The following DLG1 variants were observed in gnomAD, a reference collection of about 807,000 sequenced individuals.
DLG1 encodes the protein disks large homolog 1.
In DLG1, 42 loss-of-function variants were observed where a neutral mutation model predicts 123.4. The ratio of observed to expected loss-of-function variants is 0.34; its 90% CI spans 0.27 to 0.44. DLG1 has a LOEUF of 0.44. DLG1 is among the 20% of genes least tolerant of loss of function. DLG1 has a pLI of 1.00. For missense variants in DLG1, 942 were observed against 1,082.6 expected, an observed-to-expected ratio of 0.87 and a Z score of 1.82; for synonymous variants, 317 against 356.2, an observed-to-expected ratio of 0.89 and a Z score of 1.24.
At chr3:197,217,245 G>A (rs2150462771) in intron 4 of DLG1, among the ~76,000 whole-genome samples, 1 of 152,242 alleles carries the variant, frequency 6.6e-6, no homozygotes, top group Non-Finnish European at 1.5e-5. Flanking sequence ...AGTACACAAA[G>A]GTGGATGAAA....
At chr3:197,121,264 A>C (rs1034348341) in intron 11 of DLG1, among the ~76,000 whole-genome samples, 5 of 152,204 alleles carry the variant, frequency 3.3e-5, no homozygotes, top group African/African-American at 1.2e-4. Context: ...GCCTCAAAGA[A>C]GGATCAGATA....
chr3:197,280,496 G>A (rs1190388263), intron 4 of DLG1, among the ~76,000 whole-genome samples: 2 of 152,010 alleles, frequency 1.3e-5, no homozygotes, highest in African/African-American at 2.4e-5. Context: ...CCTTTCTCTT[G>A]GACAGATACC....
intron 18 of DLG1, 113 bp downstream of exon 18, chr3:197,076,473 C>A: frequency 2.8e-6 from 2 of 710,692 alleles, no homozygotes; most frequent in Non-Finnish European, 4.6e-6. Flanking sequence ...CCCTTGAAGA[C>A]AATTAGCAAC....
chr3:197,122,896 G>C (rs1335580273), intron 11 of DLG1, among the ~76,000 whole-genome samples: 1 of 151,830 alleles, frequency 6.6e-6, no homozygotes, highest in Non-Finnish European at 1.5e-5. Flanking sequence ...ACATAATCTT[G>C]AACAGTAACA....
chr3:197,115,061 C>T (rs1331186489), intron 13 of DLG1, among the ~76,000 whole-genome samples: 2 of 138,234 alleles, frequency 1.4e-5, no homozygotes, highest in African/African-American at 5.5e-5. Flanking sequence ...AATAACTGTA[C>T]AATCCAAATG....
At position 197,121,823 on chromosome 3, in the gene DLG1, C is replaced by CAAAA. The variant is rs71161995; in HGVS notation, c.1166-2297_1166-2294dup. 3.2e-3 allele frequency among the ~76,000 whole-genome samples: 326 copies of CAAAA among 101,158 alleles called. 3 individuals carry two copies. Among genetic ancestry groups the CAAAA allele is most frequent in the East Asian group, 6.7e-3 (23 of 3,458 alleles). The allele number at this position is 101,158 out of a possible 152,430, so 66.4% of individuals were successfully genotyped here. On this transcript the variant is annotated intron_variant, in intron 11 of 24. Coordinates refer to ENST00000667157, the MANE Select transcript of DLG1 (RefSeq NM_001366207.1). Reference sequence around the variant, plus strand: ...CTCCATCAATGCTTGACAATCACCACAAAAAAAAAAAAAAAAAAAAATCAA... The same window carrying CAAAA: ...CTCCATCAATGCTTGACAATCACCACAAAAAAAAAAAAAAAAAAAAAAAAATCAA...
intron 17 of DLG1, among the ~76,000 whole-genome samples, chr3:197,077,684 C>T (rs1218231348): frequency 2.0e-5 from 3 of 152,114 alleles, no homozygotes; most frequent in Admixed American, 6.5e-5. Context: ...ATGTTGGAAA[C>T]AAGTTTTTCC....
chr3:197,061,742 C>T (rs2148840798), intron 22 of DLG1, among the ~76,000 whole-genome samples: 1 of 152,182 alleles, frequency 6.6e-6, no homozygotes, highest in South Asian at 2.1e-4. Flanking sequence ...AATGTGTGTC[C>T]TTCTTAGTCC....
intron 4 of DLG1, among the ~76,000 whole-genome samples, chr3:197,219,926 C>A (rs1048292876): frequency 1.3e-5 from 2 of 152,124 alleles, no homozygotes; most frequent in African/African-American, 4.8e-5. Context: ...GCTGTCTAAG[C>A]CAACCAATAA....
intron 13 of DLG1, among the ~76,000 whole-genome samples, chr3:197,113,615 A>T (rs1037332413): frequency 6.6e-6 from 1 of 152,100 alleles, no homozygotes; most frequent in Non-Finnish European, 1.5e-5. Flanking sequence ...TTTACTTACA[A>T]CCCATGAACC....
At chr3:197,076,760 T>G in intron 17 of DLG1, 75 bp from the exon 18 acceptor site, 52 of 1,064,980 alleles carry the variant, frequency 4.9e-5, no homozygotes, top group Non-Finnish European at 6.7e-5. Flanking sequence ...CTAGCAGCTC[T>G]GTGGAAGCTG....
chr3:197,068,632 C>T, intron 19 of DLG1: 1 of 750,140 alleles, frequency 1.3e-6, no homozygotes, highest in Non-Finnish European at 2.2e-6. Flanking sequence ...CCCCTTCTCC[C>T]ATGCCCAAGT....
intron 4 of DLG1, among the ~76,000 whole-genome samples, chr3:197,273,534 G>T (rs566178651): frequency 6.6e-6 from 1 of 151,896 alleles, no homozygotes; most frequent in Non-Finnish European, 1.5e-5. Context: ...CACCGCACCC[G>T]GCTGAATATA....
At chr3:197,233,340 G>A (rs1374169810) in intron 4 of DLG1, among the ~76,000 whole-genome samples, 1 of 152,172 alleles carries the variant, frequency 6.6e-6, no homozygotes, top group Non-Finnish European at 1.5e-5. Context: ...CCAAGTAAAA[G>A]TAGCAACTAT....
At chr3:197,133,978 C>T (rs1210265831) in intron 10 of DLG1, among the ~76,000 whole-genome samples, 2 of 152,168 alleles carry the variant, frequency 1.3e-5, no homozygotes, top group African/African-American at 4.8e-5. Flanking sequence ...ACAATGGTAT[C>T]AGCACAGGTT....
intron 6 of DLG1, among the ~76,000 whole-genome samples, chr3:197,147,779 T>G (rs985874148): frequency 2.6e-5 from 4 of 150,960 alleles, no homozygotes; most frequent in Non-Finnish European, 5.9e-5. Context: ...CTTATTCATG[T>G]AACCAAACAA....
intron 4 of DLG1, among the ~76,000 whole-genome samples, chr3:197,195,445 C>A (rs865887905): frequency 6.6e-6 from 1 of 152,026 alleles, no homozygotes; most frequent in South Asian, 2.1e-4. Context: ...CACTGCAGAG[C>A]GATTCACAAT....
chr3:197,206,325 G>A (rs1367657025), intron 4 of DLG1, among the ~76,000 whole-genome samples: 1 of 152,058 alleles, frequency 6.6e-6, no homozygotes, highest in Admixed American at 6.5e-5. Context: ...TTTGAGACAG[G>A]ATCTCACTCT....
chr3:197,248,925 T>C (rs1406490185), intron 4 of DLG1, among the ~76,000 whole-genome samples: 2 of 151,822 alleles, frequency 1.3e-5, no homozygotes, highest in East Asian at 3.9e-4. Flanking sequence ...AAGACAAGAG[T>C]GAGGTATGAT....
Sources: allele counts gnomAD v4.1 joint callset (sites outside exome capture counted in the v4.1 genomes callset), GRCh38; gene constraint gnomAD v4.1.1; transcripts MANE v1.5; gene names NCBI Gene and HGNC (gene_info 2026-07-23, HGNC 2026-07-21).